The following CCSER1 variants were observed in gnomAD, a reference collection of about 807,000 sequenced individuals.
CCSER1 encodes serine-rich coiled-coil domain-containing protein 1.
CCSER1 carries 41 observed loss-of-function variants against 82.0 expected under a neutral mutation model. That is an observed-to-expected ratio of 0.50 (90% CI 0.39 to 0.65). The LOEUF (loss-of-function observed/expected upper bound fraction) is 0.65. Among genes scored for constraint, CCSER1 ranks in the 30% least tolerant of loss-of-function variants. CCSER1 has a pLI of 0.00. For missense variants in CCSER1, 1,119 were observed against 1,064.2 expected, an observed-to-expected ratio of 1.05 and a Z score of -0.72; for synonymous variants, 414 against 383.9, an observed-to-expected ratio of 1.08 and a Z score of -0.92.
intron 10 of CCSER1, among the ~76,000 whole-genome samples, chr4:91,488,220 C>A (rs1758328005): frequency 6.6e-6 from 1 of 152,234 alleles, no homozygotes; most frequent in East Asian, 1.9e-4. Context: ...TGCCTATTAT[C>A]AAATAAAATT....
At chr4:90,998,252 G>A (rs1257096137) in intron 9 of CCSER1, among the ~76,000 whole-genome samples, 1 of 151,876 alleles carries the variant, frequency 6.6e-6, no homozygotes, top group Non-Finnish European at 1.5e-5. Flanking sequence ...AGCTAATTTT[G>A]TATTTTTAGT....
rs140406618 is a variant in CCSER1 at position 91,307,168 on chromosome 4, T to C, written c.2217+221174T>C. Among the ~76,000 whole-genome samples, 135 of 152,082 alleles carry C rather than the reference T, an allele frequency of 8.9e-4. 2 individuals carry two copies. The East Asian group carries it at 0.024, about 27-fold the overall frequency. On this transcript the variant is annotated intron_variant, in intron 10 of 10. Coordinates refer to ENST00000509176, the MANE Select transcript of CCSER1 (RefSeq NM_001145065.2). ...AGTTGTGGTTATATCCATTATGTAT[T>C]AACTCTTAATAAAATATTTCTGTGT... is the stretch of plus-strand genomic sequence containing the variant.
intron 7 of CCSER1, among the ~76,000 whole-genome samples, chr4:90,731,838 A>G (rs1476866843): frequency 6.6e-6 from 1 of 152,176 alleles, no homozygotes; most frequent in Non-Finnish European, 1.5e-5. Context: ...ATAATTTATT[A>G]TTGATGTTTA....
At chr4:91,349,633 A>G (rs750343570) in intron 10 of CCSER1, among the ~76,000 whole-genome samples, 2 of 151,950 alleles carry the variant, frequency 1.3e-5, no homozygotes, top group Non-Finnish European at 2.9e-5. Flanking sequence ...CTGTGCTACA[A>G]TAGTTTGTCT....
chr4:91,577,042 T>A (rs1393741582), intron 10 of CCSER1, among the ~76,000 whole-genome samples: 3 of 152,038 alleles, frequency 2.0e-5, no homozygotes, highest in African/African-American at 7.2e-5. Context: ...TTTTGCTGCA[T>A]GGAGCAAACC....
intron 10 of CCSER1, among the ~76,000 whole-genome samples, chr4:91,450,240 G>T (rs147133225): frequency 6.6e-6 from 1 of 151,938 alleles, no homozygotes; most frequent in Non-Finnish European, 1.5e-5. Context: ...CGACGATCAT[G>T]AATTTCTTAG....
intron 10 of CCSER1, among the ~76,000 whole-genome samples, chr4:91,431,531 G>C (rs1010713075): frequency 2.0e-5 from 3 of 151,912 alleles, no homozygotes; most frequent in African/African-American, 7.3e-5. Flanking sequence ...GCAATGGTGC[G>C]ATCTTGGCTC....
chr4:91,320,323 T>G (rs1470746523), intron 10 of CCSER1, among the ~76,000 whole-genome samples: 1 of 151,992 alleles, frequency 6.6e-6, no homozygotes. Flanking sequence ...TTAGTGCCAG[T>G]TTTGCAGTCA....
At chr4:90,579,775 T>A (rs1200359888) in intron 5 of CCSER1, among the ~76,000 whole-genome samples, 2 of 151,890 alleles carry the variant, frequency 1.3e-5, no homozygotes, top group Non-Finnish European at 2.9e-5. Flanking sequence ...ATTTTCCCAC[T>A]CAGTTAATTC....
chr4:90,473,929 A>G (rs1225861477), intron 5 of CCSER1, among the ~76,000 whole-genome samples: 1 of 152,176 alleles, frequency 6.6e-6, no homozygotes, highest in East Asian at 1.9e-4. Context: ...GGCACTCTGC[A>G]TAGTGCTAGG....
chr4:90,670,054 G>A (rs1446156547), intron 6 of CCSER1, among the ~76,000 whole-genome samples: 1 of 152,032 alleles, frequency 6.6e-6, no homozygotes, highest in Non-Finnish European at 1.5e-5. Context: ...ATGATCTCTA[G>A]CTTGCACATG....
At chr4:90,975,758 T>C (rs764199425) in intron 9 of CCSER1, among the ~76,000 whole-genome samples, 72 of 151,430 alleles carry the variant, frequency 4.8e-4, no homozygotes, top group Non-Finnish European at 8.7e-4. Flanking sequence ...TTTTACCTTA[T>C]TAGCAATGTG....
chr4:91,049,559 C>T (rs1742818764), intron 9 of CCSER1, among the ~76,000 whole-genome samples: 2 of 152,108 alleles, frequency 1.3e-5, no homozygotes, highest in African/African-American at 4.8e-5. Flanking sequence ...TTATTTTTAA[C>T]TGAGTGAAGA....
chr4:91,149,140 C>A (rs1378739178), intron 10 of CCSER1, among the ~76,000 whole-genome samples: 1 of 152,096 alleles, frequency 6.6e-6, no homozygotes, highest in African/African-American at 2.4e-5. Flanking sequence ...CTCTCCAGCA[C>A]CTGTTGTTTC....
At chr4:91,105,122 C>T (rs1018814768) in intron 10 of CCSER1, among the ~76,000 whole-genome samples, 3 of 151,498 alleles carry the variant, frequency 2.0e-5, no homozygotes, top group African/African-American at 7.3e-5. Context: ...GTTTAGCTCC[C>T]ACTTATATGA....
intron 10 of CCSER1, among the ~76,000 whole-genome samples, chr4:91,539,410 T>A (rs1270336434): frequency 1.3e-5 from 2 of 152,122 alleles, no homozygotes; most frequent in East Asian, 3.9e-4. Context: ...GAAGTTAATA[T>A]TCTTCAATGT....
At chr4:91,542,581 G>C (rs1410858621) in intron 10 of CCSER1, among the ~76,000 whole-genome samples, 2 of 152,094 alleles carry the variant, frequency 1.3e-5, no homozygotes, top group Non-Finnish European at 2.9e-5. Context: ...TTTAAGAGCA[G>C]GTTGTTCAGT....
chr4:90,330,363 A>C (rs891754457), intron 3 of CCSER1, among the ~76,000 whole-genome samples: 1 of 152,202 alleles, frequency 6.6e-6, no homozygotes, highest in Non-Finnish European at 1.5e-5. Flanking sequence ...TTTATGTTCC[A>C]AAGTGTGGAT....
intron 10 of CCSER1, among the ~76,000 whole-genome samples, chr4:91,507,997 T>G (rs115422874): frequency 0.037 from 3,700 of 100,376 alleles, 182 homozygotes; most frequent in African/African-American, 0.12. Flanking sequence ...ATTTTCTATA[T>G]ATATATATAT....
Sources: gnomAD v4.1 joint callset for allele counts (sites outside exome capture counted in the v4.1 genomes callset) on GRCh38, gnomAD v4.1.1 for gene constraint, MANE v1.5 for transcripts, NCBI Gene and HGNC (gene_info 2026-07-23, HGNC 2026-07-21) for gene names.